Variants in JUN observed in about 807,000 individuals in gnomAD.
JUN encodes transcription factor Jun.
JUN carries 7 observed loss-of-function variants against 19.7 expected under a neutral mutation model. That is an observed-to-expected ratio of 0.36 (90% CI 0.20 to 0.67). The LOEUF (loss-of-function observed/expected upper bound fraction) is 0.67. Among genes scored for constraint, JUN ranks in the 30% least tolerant of loss-of-function variants. The pLI is 0.64. For missense variants in JUN, 373 were observed against 451.0 expected (o/e 0.83, Z 1.57); for synonymous variants, 246 against 206.9 (o/e 1.19, Z -1.62).
Position 58,783,474 on chromosome 1 carries a change from C to T in JUN, c.-404G>A, listed in dbSNP as rs1002685861. ...GCCGGCCGGCGGCGGGTCTTGGCCG[C>T]CCGGACTCCGACGACTTGTCCCCTC... On this transcript the variant is annotated 5_prime_UTR_variant, in exon 1 of 1. Transcript: ENST00000371222. 4.0e-6 allele frequency: 1 copy of T among 251,852 alleles called. No homozygotes were observed. The highest frequency in any genetic ancestry group is 8.2e-6 in the Non-Finnish European group (1 of 121,476). The allele number at this position is 251,852 out of a possible 1,614,324, so 15.6% of individuals were successfully genotyped here.
rs2100738764 is a variant in JUN at position 58,782,240 on chromosome 1, G to A, written c.831C>T (p.Ile277=). 1 of 1,614,248 alleles carries A rather than the reference G, an allele frequency of 6.2e-7. No homozygotes were observed. The highest frequency in any genetic ancestry group is 8.5e-7 in the Non-Finnish European group (1 of 1,180,030). ...TTTTCACTTTTTCCTCCAGCCGGGCGATTCTCTCCAGCTTCCTTTTTCGGC... is the reference window on the plus strand; with the variant it reads ...TTTTCACTTTTTCCTCCAGCCGGGCAATTCTCTCCAGCTTCCTTTTTCGGC... ...SKCRKRKLER[I]ARLEEKVKTL... Residue 277 remains isoleucine (I), a synonymous_variant, in exon 1 of 1, where the codon ATC becomes ATT. Coordinates refer to ENST00000371222, the MANE Select transcript of JUN (RefSeq NM_002228.4). This position sits in a 1 kb window ranked among gnomAD's most constrained non-coding sequence, Gnocchi z 8.7.
At position 58,782,934 on chromosome 1, in the gene JUN, A is replaced by C. The variant is rs1569898038; in HGVS notation, c.137T>G (p.Val46Gly). 1.9e-6 allele frequency: 3 copies of C among 1,614,066 alleles called. No individual in the cohort carries two copies. Among genetic ancestry groups the C allele is most frequent in the Non-Finnish European group, 2.5e-6 (3 of 1,180,004 alleles). ...QSMTLNLADPVGSLKPHLRAK... is the reference protein window; with the variant it reads ...QSMTLNLADPGGSLKPHLRAK... Reference sequence around the variant, plus strand: ...GCGGAGGTGCGGCTTCAGGCTCCCCACTGGGTCGGCCAGGTTCAGGGTCAT... The same window carrying C: ...GCGGAGGTGCGGCTTCAGGCTCCCCCCTGGGTCGGCCAGGTTCAGGGTCAT... Residue 46 changes from valine to glycine, a missense_variant, in exon 1 of 1, where the codon GTG becomes GGG. Coordinates refer to ENST00000371222, the MANE Select transcript of JUN (RefSeq NM_002228.4). This position sits in a 1 kb window ranked among gnomAD's most constrained non-coding sequence, Gnocchi z 8.7.
At position 58,783,488 on chromosome 1, in the gene JUN, A is replaced by G. The variant is rs894255736; in HGVS notation, c.-418T>C. The G allele has an allele frequency of 4.0e-6, 1 of 251,448 alleles. No individual in the cohort carries two copies. The highest frequency in any genetic ancestry group is 6.0e-5 in the East Asian group (1 of 16,738). The allele number at this position is 251,448 out of a possible 1,614,324, so 15.6% of individuals were successfully genotyped here. A position where few individuals can be genotyped will look rare whatever the true frequency, so the allele number is the denominator to read the frequency against. ...GGTCTTGGCCGCCCGGACTCCGACG[A>G]CTTGTCCCCTCCTCCGCTGCTAGGG... On this transcript the variant is annotated 5_prime_UTR_variant, in exon 1 of 1. Coordinates refer to ENST00000371222, the MANE Select transcript of JUN (RefSeq NM_002228.4).
chr1:58,781,908 G>A lies in JUN; in HGVS notation c.*167C>T. 1 of 646,066 alleles carries A rather than the reference G, an allele frequency of 1.5e-6. No individual in the cohort carries two copies. Among genetic ancestry groups the A allele is most frequent in the Non-Finnish European group, 2.7e-6 (1 of 374,178 alleles). The allele number at this position is 646,066 out of a possible 1,614,324, so 40.0% of individuals were successfully genotyped here. On this transcript the variant is annotated 3_prime_UTR_variant, in exon 1 of 1. Transcript: ENST00000371222. The stretch of plus-strand genomic sequence containing the variant: ...GGCGCGCCAAGTCCTTCCCACTCGT[G>A]CACACTGGGGGCGCCGTCAGGACGC...
chr1:58,782,596 A>G lies in JUN; in HGVS notation c.475T>C (p.Phe159Leu). The change falls in exon 1 of 1, where the codon TTC becomes CTC. Residue 159 changes from phenylalanine (F) to leucine (L), a missense_variant. Coordinates refer to ENST00000371222, the MANE Select transcript of JUN (RefSeq NM_002228.4). This position sits in a 1 kb window ranked among gnomAD's most constrained non-coding sequence, Gnocchi z 8.7. Reference protein sequence around the residue: ...SVAGGSGSGGFSASLHSEPPV... With the variant: ...SVAGGSGSGGLSASLHSEPPV... ...GGCTCGCTGTGCAGGCTGGCGCTGA[A>G]GCCGCCGCTGCCGCTGCCCCCTGCC... 6.3e-7 allele frequency: 1 copy of G among 1,581,958 alleles called. No individual in the cohort carries two copies.
Position 58,782,838 on chromosome 1 carries a change from C to T in JUN, c.233G>A (p.Arg78His), listed in dbSNP as rs2100739866. The change falls in exon 1 of 1, where the codon CGC becomes CAC. Residue 78 changes from arginine (R) to histidine (H), a missense_variant. This residue lies in a region of JUN where 113 missense variants were observed against 136.9 expected (regional missense o/e 0.83). Transcript: ENST00000371222. This position sits in a 1 kb window ranked among gnomAD's most constrained non-coding sequence, Gnocchi z 8.7. ...LLKLASPELE[R>H]LIIQSSNGHI... ...CCCGTTGCTGGACTGGATTATCAGG[C>T]GCTCCAGCTCGGGCGACGCCAGCTT... 2 of 1,613,976 alleles carry T rather than the reference C, an allele frequency of 1.2e-6. No individual in the cohort carries two copies. Among genetic ancestry groups the T allele is most frequent in the Admixed American group, 1.7e-5 (1 of 60,026 alleles).
chr1:58,781,992 C>T lies in JUN; in HGVS notation c.*83G>A, dbSNP rs1245837272. The T allele has an allele frequency of 8.4e-7, 1 of 1,194,026 alleles. No individual in the cohort carries two copies. 74.0% of individuals were successfully genotyped at this position (1,194,026 alleles called of 1,614,324 possible). On this transcript the variant is annotated 3_prime_UTR_variant, in exon 1 of 1. Coordinates refer to ENST00000371222, the MANE Select transcript of JUN (RefSeq NM_002228.4). ...TTCTCGGACACTTCTTTTTTCTCTC[C>T]GTCGCAACTTGTCAAGTTCTCAAGT...
In JUN at chr1:58,783,247, G is replaced by T; in HGVS notation, c.-177C>A. 1.1e-6 allele frequency: 1 copy of T among 917,758 alleles called. No homozygotes were observed. Among genetic ancestry groups the T allele is most frequent in the Non-Finnish European group, 1.6e-6 (1 of 616,984 alleles). The allele number at this position is 917,758 out of a possible 1,614,324, so 56.9% of individuals were successfully genotyped here. ...CGTCCCCGCTGCGCCCTCCTCACCA[G>T]CTCGCTCCAGGGAGCGCAGGGTTAA... is the stretch of plus-strand genomic sequence containing the variant. On this transcript the variant is annotated 5_prime_UTR_variant, in exon 1 of 1. The change creates a new upstream start codon in the 5' untranslated region. Coordinates refer to ENST00000371222, the MANE Select transcript of JUN (RefSeq NM_002228.4).
In JUN at chr1:58,782,451, G is replaced by T. The variant is rs370122841; in HGVS notation, c.620C>A (p.Pro207Gln). The T allele has an allele frequency of 1.1e-4, 169 of 1,596,592 alleles. No individual in the cohort carries two copies. The highest frequency in any genetic ancestry group is 2.9e-4 in the East Asian group (13 of 44,712). ...CATCTGCTGGGGCAGGTGGTGCGGCGGCTGCTGCTGCTGCTGGGGTTGCGC... is the reference window on the plus strand; with the variant it reads ...CATCTGCTGGGGCAGGTGGTGCGGCTGCTGCTGCTGCTGCTGGGGTTGCGC... ...FPAQPQQQQQ[P>Q]PHHLPQQMPV... Residue 207 changes from proline (P) to glutamine (Q), a missense_variant, in exon 1 of 1, where the codon CCG (proline) becomes CAG (glutamine). Pro to Gln is a moderately conservative substitution (Grantham distance 76). Around this residue, in one of 4 missense-constraint regions of JUN, gnomAD observed 173 missense variants for 154.5 expected, o/e 1.12. Transcript: ENST00000371222. The surrounding 1 kb of genome is among the most constrained non-coding windows in gnomAD (Gnocchi z 8.7).
At position 58,781,271 on chromosome 1, in the gene JUN, AC is replaced by A; in HGVS notation, c.*803del. 1 of 233,020 alleles carries A rather than the reference AC, an allele frequency of 4.3e-6. No homozygotes were observed. 14.4% of individuals were successfully genotyped at this position (233,020 alleles called of 1,614,324 possible). The stretch of plus-strand genomic sequence containing the variant: ...CGACATTCTTAACTCTTTCAACTCC[AC>A]CTAGATAGCTAGTATCTACAGATGA... On this transcript the variant is annotated 3_prime_UTR_variant, in exon 1 of 1. Transcript: ENST00000371222.
rs141819215 is a variant in JUN, at chr1:58,783,549, C to T, written c.-479G>A. On this transcript the variant is annotated 5_prime_UTR_variant, in exon 1 of 1. Transcript: ENST00000371222. ...CCCGGCAGCCGCGGCTCGCGCTCGC[C>T]CAAGTTCAACAACCGGTGCGAGCGA... The T allele has an allele frequency of 5.6e-3, 1,389 of 249,982 alleles. 16 individuals carry two copies. Among genetic ancestry groups the T allele is most frequent in the African/African-American group, 0.029 (1,300 of 45,464 alleles). 15.5% of individuals were successfully genotyped at this position (249,982 alleles called of 1,614,324 possible). A position where few individuals can be genotyped will look rare whatever the true frequency, so the allele number is the denominator to read the frequency against.
rs1244082827 is a variant in JUN at position 58,783,955 on chromosome 1, CCTGG to C, written c.-889_-886del. The C allele has an allele frequency of 2.4e-5, 6 of 248,928 alleles. No homozygotes were observed. Among genetic ancestry groups the C allele is most frequent in the African/African-American group, 4.4e-5 (2 of 45,386 alleles). The allele number at this position is 248,928 out of a possible 1,614,324, so 15.4% of individuals were successfully genotyped here. On this transcript the variant is annotated 5_prime_UTR_variant, in exon 1 of 1. Transcript: ENST00000371222. ...TTTGCAGTTCGGACTATACTGCCGA[CCTGG>C]CTGGCTGGCTGTGTCTGTCTGTCTG...
rs1424076015 is a variant in JUN at position 58,780,902 on chromosome 1, A to T, written c.*1173T>A. On this transcript the variant is annotated 3_prime_UTR_variant, in exon 1 of 1. Coordinates refer to ENST00000371222, the MANE Select transcript of JUN (RefSeq NM_002228.4). The stretch of plus-strand genomic sequence containing the variant: ...AGAGAAGATTCCAAATTGGAAGGAT[A>T]CATCTTTTGTAAAATCTGCCACCAA... The T allele has an allele frequency of 4.7e-5, 11 of 233,094 alleles. No individual in the cohort carries two copies. Among genetic ancestry groups the T allele is most frequent in the Non-Finnish European group, 9.3e-5 (11 of 118,020 alleles). The allele number at this position is 233,094 out of a possible 1,614,324, so 14.4% of individuals were successfully genotyped here.
chr1:58,783,447 T>C lies in JUN; in HGVS notation c.-377A>G, dbSNP rs573224691. ...GAGCGGATCAGTGCGGACCCTGCAG[T>C]GGCCGGCCGGCGGCGGGTCTTGGCC... is the stretch of plus-strand genomic sequence containing the variant. On this transcript the variant is annotated 5_prime_UTR_variant, in exon 1 of 1. Transcript: ENST00000371222. The C allele has an allele frequency of 3.5e-5, 9 of 254,528 alleles. No individual in the cohort carries two copies. The South Asian group carries it at 1.4e-3, about 39-fold the overall frequency. The allele number at this position is 254,528 out of a possible 1,614,324, so 15.8% of individuals were successfully genotyped here.
At position 58,782,852 on chromosome 1, in the gene JUN, C is replaced by A. The variant is rs143155569; in HGVS notation, c.219G>T (p.Ser73=). 1.6e-4 allele frequency: 254 copies of A among 1,614,014 alleles called. No homozygotes were observed. The African/African-American group carries it at 2.6e-3, about 17-fold the overall frequency. Residue 73 remains serine (S), a synonymous_variant, in exon 1 of 1, where the codon TCG becomes TCT. Transcript: ENST00000371222. The surrounding 1 kb of genome is among the most constrained non-coding windows in gnomAD (Gnocchi z 8.7). ...SPDVGLLKLA[S]PELERLIIQS... ...GGATTATCAGGCGCTCCAGCTCGGG[C>A]GACGCCAGCTTGAGCAGCCCCACGT...
chr1:58,781,310 G>A lies in JUN; in HGVS notation c.*765C>T, dbSNP rs1373680169. On this transcript the variant is annotated 3_prime_UTR_variant, in exon 1 of 1. Transcript: ENST00000371222. ...TATCTACAGATGATGCAGAAAAGAG[G>A]TTAGGGGAGTACTTTCCAATAGTTT... The A allele has an allele frequency of 1.7e-5, 4 of 232,018 alleles. No homozygotes were observed. The East Asian group carries it at 2.4e-4, about 14-fold the overall frequency. The allele number at this position is 232,018 out of a possible 1,614,324, so 14.4% of individuals were successfully genotyped here.
In JUN at chr1:58,782,672, C is replaced by G; in HGVS notation, c.399G>C (p.Ala133=). ...TGCCTGCCCCGTTGACCGGCTGCGCCGCCGACGTGACGCTGGGCAGCGTGT... is the reference window on the plus strand; with the variant it reads ...TGCCTGCCCCGTTGACCGGCTGCGCGGCCGACGTGACGCTGGGCAGCGTGT... ...SQNTLPSVTS[A]AQPVNGAGMV... is the part of the protein sequence containing the mutation. Residue 133 remains alanine (A), a synonymous_variant, in exon 1 of 1, where the codon GCG becomes GCC. Coordinates refer to ENST00000371222, the MANE Select transcript of JUN (RefSeq NM_002228.4). This position sits in a 1 kb window ranked among gnomAD's most constrained non-coding sequence, Gnocchi z 8.7. 3 of 1,589,352 alleles carry G rather than the reference C, an allele frequency of 1.9e-6. No individual in the cohort carries two copies. The highest frequency in any genetic ancestry group is 2.6e-6 in the Non-Finnish European group (3 of 1,171,664).
At position 58,781,854 on chromosome 1, in the gene JUN, G is replaced by A. The variant is rs372170606; in HGVS notation, c.*221C>T. ...CCGCAAAGCGGGGCAGCCCGCAGGC[G>A]GCCGCTCCCTGGCTCCACGCCAAGG... On this transcript the variant is annotated 3_prime_UTR_variant, in exon 1 of 1. Transcript: ENST00000371222. 3 of 560,650 alleles carry A rather than the reference G, an allele frequency of 5.4e-6. No homozygotes were observed. Among genetic ancestry groups the A allele is most frequent in the African/African-American group, 3.8e-5 (2 of 53,054 alleles). The allele number at this position is 560,650 out of a possible 1,614,324, so 34.7% of individuals were successfully genotyped here.
chr1:58,781,807 C>G lies in JUN; in HGVS notation c.*268G>C. On this transcript the variant is annotated 3_prime_UTR_variant, in exon 1 of 1. Transcript: ENST00000371222. ...AATGTTAACGAAAAGTCCAACGTTCCGTTCGCGCGGGGACAGCCCGTCCGC... is the reference window on the plus strand; with the variant it reads ...AATGTTAACGAAAAGTCCAACGTTCGGTTCGCGCGGGGACAGCCCGTCCGC... 2.0e-6 allele frequency: 1 copy of G among 507,430 alleles called. No homozygotes were observed. The highest frequency in any genetic ancestry group is 2.5e-5 in the South Asian group (1 of 40,612). The allele number at this position is 507,430 out of a possible 1,614,324, so 31.4% of individuals were successfully genotyped here.
Sources: gnomAD v4.1 joint callset for allele counts on GRCh38, gnomAD v4.1.1 for gene constraint, gnomAD v4.1.1 regional missense constraint, Gnocchi (gnomAD v3.1) non-coding constraint, MANE v1.5 for transcripts, NCBI Gene and HGNC (gene_info 2026-07-23, HGNC 2026-07-21) for gene names.